The following TDG variants were observed in gnomAD, a reference collection of about 807,000 sequenced individuals.
TDG encodes thymine DNA glycosylase, also known as G/T mismatch-specific thymine DNA glycosylase.
TDG carries 23 observed loss-of-function variants against 46.1 expected under a neutral mutation model. The ratio of observed to expected loss-of-function variants is 0.50; its 90% CI spans 0.36 to 0.71. The LOEUF (loss-of-function observed/expected upper bound fraction) is 0.71. TDG is among the 30% of genes least tolerant of loss of function. The pLI, the probability that TDG is intolerant of heterozygous loss-of-function variation, is 0.00. For synonymous variants in TDG, 115 were observed against 161.3 expected, an observed-to-expected ratio of 0.71 and a Z score of 2.18; for missense variants, 304 against 486.7, an observed-to-expected ratio of 0.62 and a Z score of 3.53.
chr12:103,971,995 T>C (rs1173505447), intron 1 of TDG, among the ~76,000 whole-genome samples: 2 of 152,212 alleles, frequency 1.3e-5, no homozygotes, highest in Non-Finnish European at 2.9e-5. Context: ...TTCTGGATTA[T>C]AAAGTAGCAA....
At chr12:103,985,133 G>A (rs943994336) in intron 8 of TDG, among the ~76,000 whole-genome samples, 84 of 129,278 alleles carry the variant, frequency 6.5e-4, no homozygotes, top group African/African-American at 2.2e-3. Flanking sequence ...ACTTGTGTGC[G>A]TATACATATG....
chr12:103,971,367 G>T (rs1337287509), intron 1 of TDG, among the ~76,000 whole-genome samples: 1 of 152,144 alleles, frequency 6.6e-6, no homozygotes, highest in African/African-American at 2.4e-5. Context: ...TTTGACACCA[G>T]CCTGACCAAC....
intron 1 of TDG, among the ~76,000 whole-genome samples, chr12:103,976,452 AAGTAAAC>A (rs1423014434): frequency 1.3e-5 from 2 of 151,206 alleles, no homozygotes; most frequent in East Asian, 3.9e-4. Context: ...ATGAAAAAAT[AAGTAAAC>A]AGGCAAATAA....
At chr12:103,984,988 TATATACAC>T in intron 8 of TDG, 68 bp downstream of exon 8, 6 of 1,276,606 alleles carry the variant, frequency 4.7e-6, no homozygotes, top group Non-Finnish European at 5.2e-6. Context: ...TACTTACATA[TATATACAC>T]ATATACATAT....
intron 1 of TDG, 78 bp downstream of exon 1, chr12:103,966,138 C>T: frequency 1.8e-5 from 26 of 1,406,458 alleles, no homozygotes; most frequent in Non-Finnish European, 2.4e-5. Context: ...CGCGCGCACG[C>T]AGGGGTCTTT....
Position 103,983,291 on chromosome 12 carries a change from T to A in TDG, c.698-4T>A. ...AATGTAAATATGTTTGTATTTCATTTTAGGTATTTATGAAATTTTTAGTAA... is the reference window on the plus strand; with the variant it reads ...AATGTAAATATGTTTGTATTTCATTATAGGTATTTATGAAATTTTTAGTAA... On this transcript the variant is annotated splice_polypyrimidine_tract_variant and splice_region_variant and intron_variant, in intron 6 of 9. Transcript: ENST00000392872. 6.5e-7 allele frequency: 1 copy of A among 1,546,648 alleles called. No homozygotes were observed. Among genetic ancestry groups the A allele is most frequent in the Non-Finnish European group, 8.8e-7 (1 of 1,142,538 alleles).
intron 3 of TDG, 104 bp downstream of exon 3, chr12:103,980,176 AAG>A: frequency 6.6e-7 from 1 of 1,515,728 alleles, no homozygotes. Flanking sequence ...GACCATTTCT[AAG>A]AATCCTTTTG....
rs772832264 is a variant in TDG at position 103,985,639 on chromosome 12, A to G, written c.1001A>G (p.Tyr334Cys). The change falls in exon 9 of 10, where the codon TAT becomes TGT. Residue 334 changes from tyrosine (Y) to cysteine (C), a missense_variant. Coordinates refer to ENST00000392872, the MANE Select transcript of TDG (RefSeq NM_003211.6). ...AKKMAVKEEK[Y>C]DPGYEAAYGG... is the part of the protein sequence containing the mutation. ...AAGATGGCTGTTAAGGAAGAAAAAT[A>G]TGATCCAGGTTATGAGGCAGCATAT... is the stretch of plus-strand genomic sequence containing the variant. 2.8e-5 allele frequency: 45 copies of G among 1,613,992 alleles called. No individual in the cohort carries two copies. The South Asian group carries it at 4.5e-4, about 16-fold the overall frequency.
intron 1 of TDG, among the ~76,000 whole-genome samples, chr12:103,967,325 A>G (rs1871087118): frequency 6.6e-6 from 1 of 152,214 alleles, no homozygotes; most frequent in East Asian, 1.9e-4. Flanking sequence ...ACCTTCAGGA[A>G]CTGTGGAAAA....
chr12:103,970,053 A>G (rs888780508), intron 1 of TDG, among the ~76,000 whole-genome samples: 6 of 152,234 alleles, frequency 3.9e-5, no homozygotes, highest in Non-Finnish European at 8.8e-5. Flanking sequence ...TTATGGTGCT[A>G]TCGCATCATA....
chr12:103,971,495 G>T (rs1190825928), intron 1 of TDG, among the ~76,000 whole-genome samples: 1 of 152,174 alleles, frequency 6.6e-6, no homozygotes, highest in Non-Finnish European at 1.5e-5. Context: ...GGCAGAGGTT[G>T]CAGTGAGCCG....
At chr12:103,985,829 T>C in intron 9 of TDG, 101 bp downstream of exon 9, 1 of 1,268,120 alleles carries the variant, frequency 7.9e-7, no homozygotes, top group Non-Finnish European at 1.0e-6. Flanking sequence ...AGAATGGGAA[T>C]GATAATATGA....
At chr12:103,980,131 A>G in intron 3 of TDG, 59 bp downstream of exon 3, 2 of 1,597,120 alleles carry the variant, frequency 1.3e-6, no homozygotes, top group Non-Finnish European at 1.7e-6. Flanking sequence ...GCTTTACTTA[A>G]CAGTTGTCCT....
rs1328274185 is a variant in TDG, at chr12:103,983,397, C to A, written c.792+8C>A. The stretch of plus-strand genomic sequence containing the variant: ...ATTCCAGACACAGAAACTGTAAGTC[C>A]CTAAAATTGAATTTGTAAATCAGCT... On this transcript the variant is annotated splice_region_variant and intron_variant, in intron 7 of 9. Coordinates refer to ENST00000392872, the MANE Select transcript of TDG (RefSeq NM_003211.6). The A allele has an allele frequency of 6.6e-7, 1 of 1,512,742 alleles. No individual in the cohort carries two copies. Among genetic ancestry groups the A allele is most frequent in the South Asian group, 1.3e-5 (1 of 79,496 alleles). 93.7% of individuals were successfully genotyped at this position (1,512,742 alleles called of 1,614,324 possible). A position where few individuals can be genotyped will look rare whatever the true frequency, so the allele number is the denominator to read the frequency against.
At chr12:103,984,651 C>A in intron 7 of TDG, 98 bp from the exon 8 acceptor site, 2 of 976,032 alleles carry the variant, frequency 2.0e-6, no homozygotes, top group African/African-American at 1.7e-5. Context: ...AGTTAAGTAT[C>A]AAGTTATTAA....
In TDG at chr12:103,985,507, T is replaced by C. The variant is rs921142500; in HGVS notation, c.965-96T>C. The C allele has an allele frequency of 6.6e-6, 9 of 1,362,864 alleles. No individual in the cohort carries two copies. The Admixed American group carries it at 1.9e-4, about 29-fold the overall frequency. 84.4% of individuals were successfully genotyped at this position (1,362,864 alleles called of 1,614,324 possible). ...AGAGATGTATCTCAGTGTATATGAA[T>C]ATTCAAGAAAAAGAATTGTTCATGA... On this transcript the variant is annotated intron_variant, in intron 8 of 9. Transcript: ENST00000392872.
At chr12:103,972,060 A>G (rs530075212) in intron 1 of TDG, among the ~76,000 whole-genome samples, 1 of 152,328 alleles carries the variant, frequency 6.6e-6, no homozygotes. Context: ...CTGAGGTTGA[A>G]ACAGGTTTAT....
chr12:103,968,175 C>T (rs1346670136), intron 1 of TDG, among the ~76,000 whole-genome samples: 4 of 152,066 alleles, frequency 2.6e-5, no homozygotes, highest in African/African-American at 7.2e-5. Flanking sequence ...AAAGTGCTTA[C>T]AGTCAATCAA....
chr12:103,980,728 T>TA, intron 3 of TDG, 165 bp from the exon 4 acceptor site: 1 of 531,072 alleles, frequency 1.9e-6, no homozygotes, highest in South Asian at 3.3e-5. Flanking sequence ...ATATATGAAA[T>TA]ACTTTGTTCA....
Sources: allele counts gnomAD v4.1 joint callset (sites outside exome capture counted in the v4.1 genomes callset), GRCh38; gene constraint gnomAD v4.1.1; transcripts MANE v1.5; gene names NCBI Gene and HGNC (gene_info 2026-07-23, HGNC 2026-07-21).